Variants in SOX6 observed in about 807,000 individuals in gnomAD.
The protein encoded by SOX6 is transcription factor SOX-6.
SOX6 carries 11 observed loss-of-function variants against 97.8 expected under a neutral mutation model. The ratio of observed to expected loss-of-function variants is 0.11; its 90% confidence interval spans 0.07 to 0.19. SOX6 has a LOEUF of 0.19. Among genes scored for constraint, SOX6 ranks in the 10% least tolerant of loss-of-function variants. The probability of loss-of-function intolerance (pLI) is 1.00; values close to 1 mark genes in which losing one functional copy is unlikely to be tolerated. For missense variants in SOX6, 810 were observed against 1,039.5 expected (o/e 0.78, Z 3.04); for synonymous variants, 360 against 371.4 (o/e 0.97, Z 0.35).
chr11:16,325,285 C>A (rs975291800), intron 2 of SOX6, among the ~76,000 whole-genome samples: 1 of 151,812 alleles, frequency 6.6e-6, no homozygotes, highest in African/African-American at 2.4e-5. Flanking sequence ...GAATATAACA[C>A]CAATTATTTA....
intron 1 of SOX6, among the ~76,000 whole-genome samples, chr11:16,389,697 G>A (rs534016898): frequency 1.3e-5 from 2 of 151,772 alleles, no homozygotes; most frequent in South Asian, 4.2e-4. Flanking sequence ...GGCCGGGTGC[G>A]GTGGCTCACG....
At chr11:16,043,129 T>A (rs981237272) in intron 12 of SOX6, among the ~76,000 whole-genome samples, 3 of 152,198 alleles carry the variant, frequency 2.0e-5, no homozygotes, top group African/African-American at 4.8e-5. Context: ...CTAATTAAAA[T>A]TCTGTTATGT....
At chr11:16,306,879 C>T (rs1229356269) in intron 3 of SOX6, among the ~76,000 whole-genome samples, 1 of 152,132 alleles carries the variant, frequency 6.6e-6, no homozygotes, top group Non-Finnish European at 1.5e-5. Flanking sequence ...CCGCCTCAGC[C>T]TCCCAAAGTG....
chr11:16,282,838 AT>A (rs1246567399), intron 3 of SOX6, among the ~76,000 whole-genome samples: 2 of 150,806 alleles, frequency 1.3e-5, no homozygotes, highest in African/African-American at 4.8e-5. Context: ...AATTAAAAAT[AT>A]TTTTAAACCA....
chr11:16,514,670 A>C (rs938541234), intron 4 of SOX6, among the ~76,000 whole-genome samples: 3 of 148,550 alleles, frequency 2.0e-5, no homozygotes, highest in Admixed American at 1.3e-4. Context: ...AGCATTAGGT[A>C]TATCTCCCAA....
chr11:16,427,543 T>C (rs926482489), intron 1 of SOX6, among the ~76,000 whole-genome samples: 1 of 151,296 alleles, frequency 6.6e-6, no homozygotes, highest in Non-Finnish European at 1.5e-5. Context: ...TGTGTTCTCA[T>C]TGTTCAATTC....
At chr11:16,735,816 C>T (rs574121934) in intron 2 of SOX6, among the ~76,000 whole-genome samples, 2 of 152,048 alleles carry the variant, frequency 1.3e-5, no homozygotes, top group Admixed American at 6.5e-5. Context: ...GTAATTAAGG[C>T]CCTAGGAATT....
intron 13 of SOX6, among the ~76,000 whole-genome samples, chr11:15,989,857 G>C (rs1378886800): frequency 1.3e-5 from 2 of 152,190 alleles, no homozygotes; most frequent in Non-Finnish European, 2.9e-5. Flanking sequence ...ACAGTTCAGA[G>C]TAAGGACAGA....
At position 15,970,201 on chromosome 11, in the gene SOX6, CACTT is replaced by C. The variant is rs1423576223; in HGVS notation, c.*2604_*2607del. ...TACCATTTATATCCAGTGCTTATAA[CACTT>C]ACGAAACAACATCTGTGAGTGTGTG... On this transcript the variant is annotated 3_prime_UTR_variant, in exon 16 of 16. Transcript: ENST00000683767. 1 of 152,640 alleles carries C rather than the reference CACTT, an allele frequency of 6.6e-6. No individual in the cohort carries two copies. Among genetic ancestry groups the C allele is most frequent in the East Asian group, 1.9e-4 (1 of 5,186 alleles). The allele number at this position is 152,640 out of a possible 1,614,324, so 9.5% of individuals were successfully genotyped here.
intron 4 of SOX6, chr11:16,484,503 C>A (rs1414920405): frequency 2.5e-6 from 2 of 806,448 alleles, no homozygotes; most frequent in Middle Eastern, 2.5e-4. Flanking sequence ...TGAATGGCCA[C>A]CTCCACCTCA....
At chr11:16,141,885 G>A (rs907871743) in intron 6 of SOX6, among the ~76,000 whole-genome samples, 5 of 152,136 alleles carry the variant, frequency 3.3e-5, no homozygotes, top group South Asian at 2.1e-4. Context: ...CCCACTGCAG[G>A]TCAAGGAGGC....
At position 16,122,026 on chromosome 11, in the gene SOX6, T is replaced by C. The variant is rs149985236; in HGVS notation, c.778-10103A>G. On this transcript the variant is annotated intron_variant, in intron 6 of 15. Transcript: ENST00000683767. ...TACTCCTTAAGGATCTATTAGTGGG[T>C]ATTTTATTCAGATTCGTGCTGTAAA... Among the ~76,000 whole-genome samples the C allele has an allele frequency of 2.3e-3, 352 of 152,128 alleles. 8 individuals carry two copies. The East Asian group carries it at 0.053, about 23-fold the overall frequency.
At chr11:16,645,224 G>A (rs1396112259) in intron 3 of SOX6, among the ~76,000 whole-genome samples, 1 of 152,048 alleles carries the variant, frequency 6.6e-6, no homozygotes, top group African/African-American at 2.4e-5. Flanking sequence ...ACCAATTCAA[G>A]CTGGCAACAT....
intron 4 of SOX6, among the ~76,000 whole-genome samples, chr11:16,212,078 C>T (rs944746220): frequency 1.3e-5 from 2 of 152,012 alleles, no homozygotes; most frequent in African/African-American, 4.8e-5. Flanking sequence ...GCTTTGGTAC[C>T]CTCACCCATC....
intron 15 of SOX6, among the ~76,000 whole-genome samples, chr11:15,974,070 G>A (rs934011306): frequency 8.5e-5 from 13 of 152,258 alleles, no homozygotes; most frequent in African/African-American, 3.1e-4. Context: ...TTCACCAAGA[G>A]TTTCTCAATC....
At chr11:16,367,569 A>C (rs941977239) in intron 1 of SOX6, among the ~76,000 whole-genome samples, 2 of 152,192 alleles carry the variant, frequency 1.3e-5, no homozygotes, top group African/African-American at 4.8e-5. Flanking sequence ...GAAGAAAGAG[A>C]ATAGCCCAGT....
At chr11:16,441,771 T>TA (rs1859506763) in intron 1 of SOX6, among the ~76,000 whole-genome samples, 1 of 152,206 alleles carries the variant, frequency 6.6e-6, no homozygotes, top group African/African-American at 2.4e-5. Flanking sequence ...AGCATAGATT[T>TA]AATCTCCACA....
At chr11:16,651,671 T>A (rs1368127039) in intron 3 of SOX6, among the ~76,000 whole-genome samples, 1 of 152,150 alleles carries the variant, frequency 6.6e-6, no homozygotes, top group East Asian at 1.9e-4. Flanking sequence ...AACATTATAC[T>A]GAACAGGGAA....
chr11:16,059,823 G>T (rs1179571412), intron 9 of SOX6, among the ~76,000 whole-genome samples: 1 of 151,860 alleles, frequency 6.6e-6, no homozygotes, highest in Non-Finnish European at 1.5e-5. Flanking sequence ...TTGAAATTCA[G>T]CCAGATGTCT....
Sources: gnomAD v4.1 joint callset for allele counts (sites outside exome capture counted in the v4.1 genomes callset) on GRCh38, gnomAD v4.1.1 for gene constraint, MANE v1.5 for transcripts, NCBI Gene and HGNC (gene_info 2026-07-23, HGNC 2026-07-21) for gene names.